Variants in HDAC9 observed in about 807,000 individuals in gnomAD.
HDAC9 encodes the protein MEF-2 interacting transcription repressor (MITR) protein.
A neutral mutation model predicts 139.4 loss-of-function variants in HDAC9; 41 were observed. That is an observed-to-expected ratio of 0.29 (90% CI 0.23 to 0.38). HDAC9 has a LOEUF of 0.38. HDAC9 is among the 10% of genes least tolerant of loss of function. The pLI is 1.00. For synonymous variants in HDAC9, 517 were observed against 476.2 expected (o/e 1.09, Z -1.12); for missense variants, 1,147 against 1,297.0 (o/e 0.88, Z 1.78).
At chr7:18,283,733 A>C (rs1797254233) in intron 2 of HDAC9, among the ~76,000 whole-genome samples, 1 of 152,176 alleles carries the variant, frequency 6.6e-6, no homozygotes. Flanking sequence ...TGAGTCATTG[A>C]CTTTTTCAGA....
At position 18,457,980 on chromosome 7, in the gene HDAC9, A is replaced by G. The variant is rs561243448; in HGVS notation, c.-41-38282A>G. 1.2e-4 allele frequency among the ~76,000 whole-genome samples: 18 copies of G among 152,220 alleles called. No individual in the cohort carries two copies. The South Asian group carries it at 3.5e-3, about 30-fold the overall frequency. ...TCTGGTTCGTGTGTTCTTTCTCACTATCTGAGGTTGTGTATGGCCATACAC... is the reference window on the plus strand; with the variant it reads ...TCTGGTTCGTGTGTTCTTTCTCACTGTCTGAGGTTGTGTATGGCCATACAC... On this transcript the variant is annotated intron_variant, in intron 1 of 3. Coordinates refer to the HDAC9 transcript ENST00000413509.
intron 25 of HDAC9, among the ~76,000 whole-genome samples, chr7:18,990,757 G>A (rs2717343): frequency 0.59 from 89,513 of 152,168 alleles, 26,859 homozygotes; most frequent in African/African-American, 0.65. Context: ...CTGGTGCGCC[G>A]TTTTTTAAGC....
chr7:18,569,539 G>T lies in HDAC9; in HGVS notation c.23-15742G>T, dbSNP rs535634968. ...CTGATATCTCAGAGCTGTGCTTAAA[G>T]TATTGAGAAGCATTCTGTAATGCTG... On this transcript the variant is annotated intron_variant, in intron 2 of 25. Transcript: ENST00000686413. Among the ~76,000 whole-genome samples, 11 of 152,288 alleles carry T rather than the reference G, an allele frequency of 7.2e-5. No individual in the cohort carries two copies. In the South Asian group the frequency reaches 2.1e-3, roughly 29 times the overall value.
intron 1 of HDAC9, among the ~76,000 whole-genome samples, chr7:18,473,804 T>C (rs1794908909): frequency 6.6e-6 from 1 of 152,210 alleles, no homozygotes; most frequent in South Asian, 2.1e-4. Context: ...GTTGGTGAAA[T>C]GGTGTTAAAT....
rs916932010 is a variant in HDAC9, at chr7:18,642,200, G to C, written c.913-2471G>C. Among the ~76,000 whole-genome samples, 3 of 152,150 alleles carry C rather than the reference G, an allele frequency of 2.0e-5. No homozygotes were observed. In the East Asian group the frequency reaches 5.8e-4, roughly 30 times the overall value. On this transcript the variant is annotated intron_variant, in intron 8 of 25. Transcript: ENST00000686413. The stretch of plus-strand genomic sequence containing the variant: ...CACAGAACCATCCTTGCTTCATCAA[G>C]AATTGTCTCCATGACTTGAAGATCC...
intron 1 of HDAC9, among the ~76,000 whole-genome samples, chr7:18,423,520 C>T (rs964865449): frequency 3.3e-5 from 5 of 152,174 alleles, no homozygotes; most frequent in Admixed American, 6.5e-5. Flanking sequence ...AAAATATTAT[C>T]CCCACAACAT....
rs545321068 is a variant in HDAC9 at position 18,451,449 on chromosome 7, A to G, written c.-41-44813A>G. Reference sequence around the variant, plus strand: ...TATATATGTGTGTGTGTGTGTGTGTATATGTATATATATATGCATACATAT... The same window carrying G: ...TATATATGTGTGTGTGTGTGTGTGTGTATGTATATATATATGCATACATAT... On this transcript the variant is annotated intron_variant, in intron 1 of 3. Transcript: ENST00000413509. Among the ~76,000 whole-genome samples the G allele has an allele frequency of 8.7e-3, 1,287 of 148,442 alleles. 12 individuals carry two copies. Among genetic ancestry groups the G allele is most frequent in the African/African-American group, 0.026 (1,038 of 40,306 alleles).
At chr7:18,684,144 T>G (rs970647779) in intron 12 of HDAC9, among the ~76,000 whole-genome samples, 4 of 151,132 alleles carry the variant, frequency 2.6e-5, no homozygotes, top group Non-Finnish European at 4.4e-5. Context: ...TGTAGTCCCA[T>G]CTACTTCAGA....
intron 1 of HDAC9, chr7:18,458,792 C>A (rs1793577205): frequency 7.6e-7 from 1 of 1,312,978 alleles, no homozygotes; most frequent in African/African-American, 1.5e-5. Flanking sequence ...GTCACTCCAA[C>A]TCCCATGGAG....
At chr7:18,313,692 A>C (rs1014684921) in intron 1 of HDAC9, among the ~76,000 whole-genome samples, 2 of 152,162 alleles carry the variant, frequency 1.3e-5, no homozygotes, top group African/African-American at 4.8e-5. Context: ...TTAAAATGCT[A>C]CTCTTGAATA....
At chr7:18,478,217 G>A (rs1377824263) in intron 1 of HDAC9, among the ~76,000 whole-genome samples, 2 of 152,134 alleles carry the variant, frequency 1.3e-5, no homozygotes, top group African/African-American at 4.8e-5. Flanking sequence ...GACTACAGGC[G>A]CCCGCCACCA....
chr7:18,829,282 A>G lies in HDAC9; in HGVS notation c.2378+66A>G, dbSNP rs115552810. The stretch of plus-strand genomic sequence containing the variant: ...TTCCTGGCGGTCACCTGCCCCGTGC[A>G]TGTTTCTGAAGCCTCTAATTGTTAG... On this transcript the variant is annotated intron_variant, in intron 18 of 25. Transcript: ENST00000686413. 3,751 of 1,315,606 alleles carry G rather than the reference A, an allele frequency of 2.9e-3. 101 individuals carry two copies. The African/African-American group carries it at 0.049, about 17-fold the overall frequency. The allele number at this position is 1,315,606 out of a possible 1,614,324, so 81.5% of individuals were successfully genotyped here. A position where few individuals can be genotyped will look rare whatever the true frequency, so the allele number is the denominator to read the frequency against.
intron 2 of HDAC9, among the ~76,000 whole-genome samples, chr7:18,259,883 C>T (rs996102111): frequency 2.6e-5 from 4 of 151,956 alleles, no homozygotes; most frequent in African/African-American, 9.7e-5. Flanking sequence ...TATAGTATAC[C>T]AGTCGTCATG....
At chr7:18,517,019 A>G (rs528265367) in intron 2 of HDAC9, among the ~76,000 whole-genome samples, 10 of 152,218 alleles carry the variant, frequency 6.6e-5, no homozygotes, top group African/African-American at 2.4e-4. Flanking sequence ...AACAACAACA[A>G]CCACCACCAT....
At chr7:18,180,755 G>A (rs936992970) in intron 2 of HDAC9, among the ~76,000 whole-genome samples, 6 of 152,122 alleles carry the variant, frequency 3.9e-5, no homozygotes, top group Non-Finnish European at 8.8e-5. Context: ...CACAAACTTG[G>A]TGGCCTAAAA....
intron 22 of HDAC9, among the ~76,000 whole-genome samples, chr7:18,888,416 C>G (rs1300282159): frequency 6.6e-6 from 1 of 152,144 alleles, no homozygotes; most frequent in African/African-American, 2.4e-5. Context: ...CAGAGCGAGA[C>G]TCCGTCTCAA....
rs746089054 is a variant in HDAC9, at chr7:18,273,056, G to GTT, written c.25+110733_25+110734dup. ...CCTCTTCCCCTTCTTCCCCTTCTTCGTTTTTTTTTTTTTTTTTTTTTTTTT... is the reference window on the plus strand; with the variant it reads ...CCTCTTCCCCTTCTTCCCCTTCTTCGTTTTTTTTTTTTTTTTTTTTTTTTTTT... On this transcript the variant is annotated intron_variant, in intron 2 of 12. Transcript: ENST00000417496. Among the ~76,000 whole-genome samples, 68 of 84,766 alleles carry GTT rather than the reference G, an allele frequency of 8.0e-4. 10 individuals are homozygous for GTT. The highest frequency in any genetic ancestry group is 2.2e-3 in the East Asian group (7 of 3,200). The allele number at this position is 84,766 out of a possible 152,430, so 55.6% of individuals were successfully genotyped here.
chr7:18,362,210 G>A (rs1783837091), intron 1 of HDAC9, among the ~76,000 whole-genome samples: 1 of 152,116 alleles, frequency 6.6e-6, no homozygotes, highest in African/African-American at 2.4e-5. Context: ...ATTTATTCCA[G>A]TCCTCATTTC....
At chr7:18,400,346 T>A (rs2128732764) in intron 1 of HDAC9, among the ~76,000 whole-genome samples, 1 of 152,324 alleles carries the variant, frequency 6.6e-6, no homozygotes, top group East Asian at 1.9e-4. Flanking sequence ...GTTCAACAGC[T>A]GTATCAATGA....
Sources: allele counts gnomAD v4.1 joint callset (sites outside exome capture counted in the v4.1 genomes callset), GRCh38; gene constraint gnomAD v4.1.1; transcripts MANE v1.5; gene names NCBI Gene and HGNC (gene_info 2026-07-23, HGNC 2026-07-21).